The following ARID5B variants were observed in gnomAD, a reference collection of about 807,000 sequenced individuals.
ARID5B encodes AT-rich interaction domain 5B.
ARID5B carries 13 observed loss-of-function variants against 97.2 expected under a neutral mutation model. The ratio of observed to expected loss-of-function variants is 0.13; its 90% confidence interval spans 0.09 to 0.21. The LOEUF is 0.21. Ranked by LOEUF, ARID5B falls within the 10% of genes least tolerant of loss-of-function variation. The pLI, the probability that ARID5B is intolerant of heterozygous loss-of-function variation, is 1.00. For synonymous variants in ARID5B, 556 were observed against 570.3 expected, an observed-to-expected ratio of 0.97 and a Z score of 0.36; for missense variants, 1,210 against 1,465.3, an observed-to-expected ratio of 0.83 and a Z score of 2.84.
rs1377220137 is a variant in ARID5B at position 62,092,765 on chromosome 10, A to T, written c.3302A>T (p.His1101Leu). 2.5e-6 allele frequency: 4 copies of T among 1,614,070 alleles called. No homozygotes were observed. Among genetic ancestry groups the T allele is most frequent in the Admixed American group, 3.3e-5 (2 of 60,020 alleles). ...TCCAGGCTCCCGGCTGGGTATTCTC[A>T]TTCTCTGCAGTACTTGAAAAACCAG... ...LNSRLPAGYS[H>L]SLQYLKNQTV... The change falls in exon 10 of 10, where the codon CAT becomes CTT. Residue 1101 changes from histidine to leucine, a missense_variant. Physicochemically the swap from His to Leu is moderately conservative, Grantham distance 99 (BLOSUM62 -3). This residue lies in a region of ARID5B where 800 missense variants were observed against 839.1 expected (regional missense o/e 0.95). Transcript: ENST00000279873.
intron 9 of ARID5B, 58 bp from the exon 10 acceptor site, chr10:62,090,804 G>A: frequency 1.3e-6 from 2 of 1,509,382 alleles, no homozygotes; most frequent in Non-Finnish European, 1.8e-6. Context: ...TTATTTCATA[G>A]CAAAACATGT....
chr10:61,980,101 T>A (rs10761598), intron 3 of ARID5B, among the ~76,000 whole-genome samples: 98,348 of 151,122 alleles, frequency 0.65, 32,265 homozygotes, highest in African/African-American at 0.71. Context: ...CTCAAAAAAA[T>A]AAAACAGAAA....
At chr10:62,087,298 CAAAAAAA>C (rs71299289) in intron 9 of ARID5B, among the ~76,000 whole-genome samples, 1 of 40,934 alleles carries the variant, frequency 2.4e-5, no homozygotes, top group Non-Finnish European at 4.0e-5. Context: ...GACTCTATCT[CAAAAAAA>C]AAAAAAAAAA....
chr10:61,952,299 G>T (rs544196704), intron 3 of ARID5B, among the ~76,000 whole-genome samples: 12 of 152,160 alleles, frequency 7.9e-5, no homozygotes, highest in Non-Finnish European at 1.6e-4. Context: ...TTTAAGACTT[G>T]TTTAAGCCTC....
intron 4 of ARID5B, among the ~76,000 whole-genome samples, chr10:62,024,278 T>C (rs993296359): frequency 3.9e-5 from 6 of 152,210 alleles, no homozygotes; most frequent in Admixed American, 6.5e-5. Flanking sequence ...TTTATATTTG[T>C]ACACATACAC....
At chr10:62,058,013 C>T (rs928767095) in intron 6 of ARID5B, among the ~76,000 whole-genome samples, 1 of 152,138 alleles carries the variant, frequency 6.6e-6, no homozygotes, top group Non-Finnish European at 1.5e-5. Flanking sequence ...AAGCGATGAG[C>T]CTCTGGCTTG....
At position 61,958,501 on chromosome 10, in the gene ARID5B, G is replaced by C. The variant is rs563151793; in HGVS notation, c.502+18093G>C. Among the ~76,000 whole-genome samples, 517 of 151,816 alleles carry C rather than the reference G, an allele frequency of 3.4e-3. 1 individual carries two copies. The highest frequency in any genetic ancestry group is 0.01 in the South Asian group (49 of 4,800). ...TCAGCCTTCCAAAGTGCTGGGATTA[G>C]AGGTGTGAGCCGCCGCGCCCGGCCG... On this transcript the variant is annotated intron_variant, in intron 3 of 9. Transcript: ENST00000279873.
intron 8 of ARID5B, among the ~76,000 whole-genome samples, chr10:62,071,567 A>AAAAAGAG (rs1554849729): frequency 2.0e-5 from 3 of 146,836 alleles, no homozygotes; most frequent in African/African-American, 2.5e-5. Flanking sequence ...AAAAAAAAAA[A>AAAAAGAG]AGAGAGAAGG....
At chr10:61,955,814 CT>C (rs1351138713) in intron 3 of ARID5B, among the ~76,000 whole-genome samples, 7 of 152,012 alleles carry the variant, frequency 4.6e-5, no homozygotes, top group African/African-American at 1.5e-4. Context: ...CCACGCCCAG[CT>C]AGTTTTTGTA....
At chr10:61,914,440 C>T (rs1262835021) in intron 2 of ARID5B, among the ~76,000 whole-genome samples, 1 of 152,188 alleles carries the variant, frequency 6.6e-6, no homozygotes, top group East Asian at 1.9e-4. Flanking sequence ...GATTTCTGTT[C>T]TCAGAGAGCA....
At chr10:61,928,991 A>G (rs7068195) in intron 2 of ARID5B, among the ~76,000 whole-genome samples, 22 of 152,092 alleles carry the variant, frequency 1.4e-4, no homozygotes, top group Non-Finnish European at 2.9e-4. Context: ...GAGGTGGTAC[A>G]TTCTTCCCCC....
chr10:61,925,340 T>G (rs1844085377), intron 2 of ARID5B, among the ~76,000 whole-genome samples: 1 of 152,218 alleles, frequency 6.6e-6, no homozygotes, highest in South Asian at 2.1e-4. Flanking sequence ...ATGGCTTAAC[T>G]GAGCATAACA....
At chr10:61,901,835 T>A in intron 1 of ARID5B, 105 bp downstream of exon 1, 1 of 897,680 alleles carries the variant, frequency 1.1e-6, no homozygotes. Context: ...CACAAACTTT[T>A]CACCAAACTT....
intron 3 of ARID5B, among the ~76,000 whole-genome samples, chr10:61,986,105 T>C (rs944532400): frequency 6.6e-6 from 1 of 152,086 alleles, no homozygotes; most frequent in African/African-American, 2.4e-5. Context: ...GACAGGGCTC[T>C]TCTCAGAGGT....
intron 2 of ARID5B, among the ~76,000 whole-genome samples, chr10:61,932,938 A>G (rs1036660351): frequency 6.6e-6 from 1 of 152,128 alleles, no homozygotes; most frequent in Non-Finnish European, 1.5e-5. Flanking sequence ...CTAAAAATAA[A>G]TTTAAAAATT....
intron 7 of ARID5B, among the ~76,000 whole-genome samples, chr10:62,065,233 T>C (rs1424356386): frequency 6.6e-6 from 1 of 152,226 alleles, no homozygotes; most frequent in African/African-American, 2.4e-5. Context: ...CACATGCACC[T>C]AGATTGGTTT....
chr10:61,973,198 A>G (rs916447324), intron 3 of ARID5B, among the ~76,000 whole-genome samples: 1 of 152,112 alleles, frequency 6.6e-6, no homozygotes, highest in African/African-American at 2.4e-5. Context: ...TTCTGGGTCT[A>G]TGCTGTTTGT....
intron 3 of ARID5B, among the ~76,000 whole-genome samples, chr10:61,982,999 G>A (rs183125632): frequency 2.6e-5 from 4 of 152,290 alleles, no homozygotes; most frequent in Admixed American, 6.5e-5. Flanking sequence ...AGAGGGATCT[G>A]GTGGATCTCA....
intron 4 of ARID5B, among the ~76,000 whole-genome samples, chr10:62,031,032 G>A (rs1315528510): frequency 5.9e-5 from 9 of 152,160 alleles, no homozygotes; most frequent in East Asian, 5.8e-4. Context: ...TCAGGAGATC[G>A]AGACCATCCT....
Sources: allele counts gnomAD v4.1 joint callset (sites outside exome capture counted in the v4.1 genomes callset), GRCh38; gene constraint gnomAD v4.1.1; regional missense constraint gnomAD v4.1.1; transcripts MANE v1.5; gene names NCBI Gene and HGNC (gene_info 2026-07-23, HGNC 2026-07-21).